Variants in ANO7 observed in about 807,000 individuals in gnomAD.
ANO7 encodes anoctamin-7.
Under a neutral mutation model 115.8 loss-of-function variants are expected in ANO7, and 114 were observed. The ratio of observed to expected loss-of-function variants is 0.98; its 90% CI spans 0.85 to 1.15. The LOEUF (loss-of-function observed/expected upper bound fraction) is 1.15, where lower values mean the gene tolerates loss of function less well. ANO7 is among the 50% of genes most tolerant of loss of function. The pLI, the probability that ANO7 is intolerant of heterozygous loss-of-function variation, is 0.00. For missense variants in ANO7, 1,302 were observed against 1,201.2 expected, an observed-to-expected ratio of 1.08 and a Z score of -1.24; for synonymous variants, 550 against 498.2, an observed-to-expected ratio of 1.10 and a Z score of -1.38.
At chr2:241,236,433 C>T in the ANO7 span, 4 of 636,510 alleles carry the variant, frequency 6.3e-6, no homozygotes, top group South Asian at 1.9e-5. Flanking sequence ...AGGGAAGTGG[C>T]CTCCCCAAAC....
chr2:241,217,736 C>T lies in ANO7; in HGVS notation c.2023C>T (p.Pro675Ser). The part of the protein sequence containing the change: ...TIFVAACPLA[P>S]LFALLNNWVE... The stretch of plus-strand genomic sequence containing the variant: ...CTTCGTGGCCGCCTGTCCGCTCGCG[C>T]CGCTCTTCGCCCTGCTCAACAACTG... Residue 675 changes from proline to serine, a missense_variant, in exon 20 of 25, where the codon CCG becomes TCG. Transcript: ENST00000674324. 5 of 1,603,718 alleles carry T rather than the reference C, an allele frequency of 3.1e-6. No homozygotes were observed. Among genetic ancestry groups the T allele is most frequent in the Non-Finnish European group, 4.3e-6 (5 of 1,175,754 alleles).
the ANO7 span, chr2:241,235,238 C>T: frequency 2.4e-5 from 39 of 1,614,038 alleles, no homozygotes; most frequent in Admixed American, 8.3e-5. Context: ...GCTCAGGTGC[C>T]GGGACATGTA....
At chr2:241,224,072 T>C in intron 24 of ANO7, 25 bp from the exon 25 acceptor site, 1 of 1,613,522 alleles carries the variant, frequency 6.2e-7, no homozygotes, top group Non-Finnish European at 8.5e-7. Flanking sequence ...GTCTGACTTG[T>C]CCCTGCCCCC....
At chr2:241,210,929 C>A (rs2068707708) in intron 15 of ANO7, among the ~76,000 whole-genome samples, 1 of 152,138 alleles carries the variant, frequency 6.6e-6, no homozygotes, top group Non-Finnish European at 1.5e-5. Flanking sequence ...CTAGGCCTCT[C>A]AAAGTGCTGG....
At position 241,198,380 on chromosome 2, in the gene ANO7, C is replaced by T. The variant is rs77879999; in HGVS notation, c.310-936C>T. Among the ~76,000 whole-genome samples, 805 of 152,352 alleles carry T rather than the reference C, an allele frequency of 5.3e-3. 4 individuals carry two copies. The highest frequency in any genetic ancestry group is 0.018 in the African/African-American group (768 of 41,570). On this transcript the variant is annotated intron_variant, in intron 4 of 24. Coordinates refer to ENST00000674324, the MANE Select transcript of ANO7 (RefSeq NM_001370694.2). ...GTGTCTGGGAGGTGGAGGTGAAAGA[C>T]ACCTGCTTTTATTATGGACAGAGCT...
rs2069141555 is a variant in ANO7 at position 241,225,569 on chromosome 2, T to C, written c.*1416T>C. Among the ~76,000 whole-genome samples, 1 of 152,208 alleles carries C rather than the reference T, an allele frequency of 6.6e-6. No individual in the cohort carries two copies. Among genetic ancestry groups the C allele is most frequent in the South Asian group, 2.1e-4 (1 of 4,820 alleles). On this transcript the variant is annotated 3_prime_UTR_variant, in exon 25 of 25. Transcript: ENST00000674324. ...AAGAATATGTGGTTTTAATGTGCTT[T>C]GATGAGTACTGCCAAACTTACTCCA...
In ANO7 at chr2:241,223,649, C is replaced by T. The variant is rs1305518677; in HGVS notation, c.2413-13C>T. 1 of 1,610,526 alleles carries T rather than the reference C, an allele frequency of 6.2e-7. No individual in the cohort carries two copies. ...GCGTTTGGGTGGGCGTGAGTGCCTT[C>T]CTCTGCTCCCAGCATGTGGTTTTCT... On this transcript the variant is annotated splice_polypyrimidine_tract_variant and intron_variant, in intron 22 of 24. Transcript: ENST00000674324.
intron 21 of ANO7, among the ~76,000 whole-genome samples, chr2:241,218,655 ACTC>A (rs2068931317): frequency 1.3e-5 from 2 of 152,094 alleles, no homozygotes; most frequent in Non-Finnish European, 2.9e-5. Context: ...CGCAGACAGA[ACTC>A]CTCAGACACC....
rs946550067 is a variant in ANO7 at position 241,224,042 on chromosome 2, A to G, written c.2584-55A>G. On this transcript the variant is annotated intron_variant, in intron 24 of 24. Coordinates refer to ENST00000674324, the MANE Select transcript of ANO7 (RefSeq NM_001370694.2). ...CAGCCGCCCACTGTGCCTCGTGGCCATGGCCTGCTCCTGGCCCTAGTCTGA... is the reference window on the plus strand; with the variant it reads ...CAGCCGCCCACTGTGCCTCGTGGCCGTGGCCTGCTCCTGGCCCTAGTCTGA... 13 of 1,613,058 alleles carry G rather than the reference A, an allele frequency of 8.1e-6. No homozygotes were observed. The Admixed American group carries it at 1.7e-4, about 21-fold the overall frequency.
At chr2:241,230,707 G>C (rs377040085), downstream of ANO7, 2 of 1,527,176 alleles carry the variant, frequency 1.3e-6, no homozygotes, top group African/African-American at 2.7e-5. The surrounding 1 kb of genome is among the most constrained non-coding windows in gnomAD (Gnocchi z 5.0). Context: ...TGGCCAGCCA[G>C]GTGCCCCCGG....
chr2:241,204,084 G>A (rs908537952), intron 9 of ANO7, among the ~76,000 whole-genome samples: 9 of 152,324 alleles, frequency 5.9e-5, no homozygotes, highest in East Asian at 1.9e-4. Flanking sequence ...GGCAGCGGGC[G>A]GGGCCGGCAG....
rs1041543922 is a variant in ANO7, at chr2:241,203,546, G to A, written c.889+48G>A. 2.9e-6 allele frequency: 4 copies of A among 1,363,588 alleles called. No homozygotes were observed. Among genetic ancestry groups the A allele is most frequent in the South Asian group, 1.6e-5 (1 of 63,868 alleles). 84.5% of individuals were successfully genotyped at this position (1,363,588 alleles called of 1,614,324 possible). ...CAGACCACCTGGGCCCCCCCAGCTT[G>A]GTGTCAGGTTGTAACAATTTGCCAG... is the stretch of plus-strand genomic sequence containing the variant. On this transcript the variant is annotated intron_variant, in intron 9 of 24. Coordinates refer to ENST00000674324, the MANE Select transcript of ANO7 (RefSeq NM_001370694.2). This position sits in a 1 kb window ranked among gnomAD's most constrained non-coding sequence, Gnocchi z 4.8.
In ANO7 at chr2:241,209,349, T is replaced by A. The variant is rs4675982; in HGVS notation, c.1142T>A (p.Val381Glu). Residue 381 changes from valine to glutamate, a missense_variant, in exon 12 of 25, where the codon GTG (valine) becomes GAG (glutamate). Physicochemically the swap from Val to Glu is moderately radical, Grantham distance 121. Coordinates refer to ENST00000674324, the MANE Select transcript of ANO7 (RefSeq NM_001370694.2). ...AGCTTGTTCATGGCACTGTGGGCCGTGCTGCTGCTGGAGTACTGGAAGCGG... is the reference window on the plus strand; with the variant it reads ...AGCTTGTTCATGGCACTGTGGGCCGAGCTGCTGCTGGAGTACTGGAAGCGG... The part of the protein sequence containing the change: ...FFSLFMALWA[V>E]LLLEYWKRKS... The A allele has an allele frequency of 0.016, 24,560 of 1,578,348 alleles. 3,087 individuals carry two copies. The Admixed American group carries it at 0.28, about 18-fold the overall frequency.
intron 10 of ANO7, 85 bp from the exon 11 acceptor site, chr2:241,207,489 A>G: frequency 2.9e-6 from 3 of 1,043,356 alleles, no homozygotes; most frequent in African/African-American, 1.6e-5. Flanking sequence ...CAAGGGAGAG[A>G]GAGGACAAGG....
intron 19 of ANO7, among the ~76,000 whole-genome samples, chr2:241,217,267 G>A (rs2068853230): frequency 6.6e-6 from 1 of 152,226 alleles, no homozygotes; most frequent in African/African-American, 2.4e-5. Context: ...CTCCTCCACT[G>A]AACCCTGGAC....
intron 21 of ANO7, among the ~76,000 whole-genome samples, chr2:241,219,548 T>C (rs1005012321): frequency 4.6e-5 from 7 of 152,012 alleles, no homozygotes; most frequent in African/African-American, 1.4e-4. Context: ...GTTACTCATA[T>C]GTTTAGCATA....
At chr2:241,190,225 G>T in intron 2 of ANO7, 54 bp downstream of exon 2, 2 of 1,463,538 alleles carry the variant, frequency 1.4e-6, no homozygotes, top group Non-Finnish European at 1.9e-6. Context: ...CCCTGCCTGG[G>T]TCTATGCCCC....
intron 4 of ANO7, 43 bp downstream of exon 4, chr2:241,195,888 C>T (rs1425450929): frequency 6.2e-7 from 1 of 1,614,128 alleles, no homozygotes; most frequent in Admixed American, 1.7e-5. Flanking sequence ...GCCCTGCATC[C>T]ACTCAGTGAC....
intron 16 of ANO7, 120 bp downstream of exon 16, chr2:241,212,325 G>A: frequency 2.7e-6 from 3 of 1,096,742 alleles, no homozygotes; most frequent in Non-Finnish European, 2.7e-6. Flanking sequence ...GACGGAACCG[G>A]AGACCCAGGC....
Sources: allele counts gnomAD v4.1 joint callset (sites outside exome capture counted in the v4.1 genomes callset), GRCh38; gene constraint gnomAD v4.1.1; non-coding constraint Gnocchi (gnomAD v3.1); transcripts MANE v1.5; gene names NCBI Gene and HGNC (gene_info 2026-07-23, HGNC 2026-07-21).